RXRG: variants seen among roughly 807,000 people sequenced by gnomAD.
The protein encoded by RXRG is retinoic acid receptor RXR-gamma.
RXRG carries 19 observed loss-of-function variants against 49.2 expected under a neutral mutation model. That is an observed-to-expected ratio of 0.39 (90% CI 0.27 to 0.57). The LOEUF (loss-of-function observed/expected upper bound fraction) is 0.57, where lower values mean the gene tolerates loss of function less well. Among genes scored for constraint, RXRG ranks in the 20% least tolerant of loss-of-function variants. RXRG has a pLI of 0.64. For synonymous variants in RXRG, 224 were observed against 216.6 expected (o/e 1.03, Z -0.30); for missense variants, 452 against 592.5 (o/e 0.76, Z 2.46).
At chr1:165,420,534 T>C (rs1280275427) in intron 2 of RXRG, among the ~76,000 whole-genome samples, 1 of 152,090 alleles carries the variant, frequency 6.6e-6, no homozygotes, top group African/African-American at 2.4e-5. Flanking sequence ...GGCTCTGGGG[T>C]ACAAAGGCAA....
At chr1:165,434,374 T>C (rs1295743739) in intron 1 of RXRG, among the ~76,000 whole-genome samples, 1 of 151,568 alleles carries the variant, frequency 6.6e-6, no homozygotes, top group African/African-American at 2.4e-5. Context: ...ACAGAATTCT[T>C]ACCAAGGTAA....
chr1:165,416,725 G>C (rs79595131), intron 4 of RXRG, among the ~76,000 whole-genome samples: 1 of 152,120 alleles, frequency 6.6e-6, no homozygotes, highest in Middle Eastern at 3.2e-3. Context: ...AAAAGGAGAC[G>C]GTCCAGTTTG....
intron 2 of RXRG, 98 bp from the exon 3 acceptor site, chr1:165,420,112 A>G (rs1333587884): frequency 1.1e-5 from 11 of 983,956 alleles, no homozygotes; most frequent in Non-Finnish European, 5.6e-6. Flanking sequence ...AACAAGTTCT[A>G]TTTCAAGAAA....
At position 165,428,396 on chromosome 1, in the gene RXRG, A is replaced by C. The variant is rs544253660; in HGVS notation, c.297+323T>G. ...CACTTCAGTGACTCAATAAATGCTC[A>C]TGATTGAATTGAGAAGAATAAAAGG... is the stretch of plus-strand genomic sequence containing the variant. On this transcript the variant is annotated intron_variant, in intron 2 of 9. Coordinates refer to ENST00000359842, the MANE Select transcript of RXRG (RefSeq NM_006917.5). Among the ~76,000 whole-genome samples, 5 of 152,336 alleles carry C rather than the reference A, an allele frequency of 3.3e-5. No homozygotes were observed. The Middle Eastern group carries it at 0.01, about 311-fold the overall frequency.
At chr1:165,443,745 G>T (rs947163574) in intron 1 of RXRG, among the ~76,000 whole-genome samples, 5 of 152,290 alleles carry the variant, frequency 3.3e-5, no homozygotes, top group African/African-American at 1.2e-4. Flanking sequence ...CTTCTACCTT[G>T]CAGTGTGTCA....
At chr1:165,430,497 C>T (rs931425192) in intron 1 of RXRG, among the ~76,000 whole-genome samples, 4 of 152,308 alleles carry the variant, frequency 2.6e-5, no homozygotes, top group South Asian at 2.1e-4. Flanking sequence ...TCTCTTGGAG[C>T]TTCTGCTAGC....
chr1:165,433,167 A>G (rs1658723080), intron 1 of RXRG, among the ~76,000 whole-genome samples: 1 of 152,068 alleles, frequency 6.6e-6, no homozygotes, highest in African/African-American at 2.4e-5. Context: ...CATCCCTTCC[A>G]TCATGTGAGG....
intron 1 of RXRG, among the ~76,000 whole-genome samples, chr1:165,438,970 G>C (rs1447636753): frequency 6.6e-6 from 1 of 152,092 alleles, no homozygotes; most frequent in Non-Finnish European, 1.5e-5. Flanking sequence ...CATATTAACG[G>C]GGTGTTAATT....
At chr1:165,442,581 A>G (rs1659042036) in intron 1 of RXRG, among the ~76,000 whole-genome samples, 1 of 152,224 alleles carries the variant, frequency 6.6e-6, no homozygotes, top group Non-Finnish European at 1.5e-5. Flanking sequence ...CCAGCAAAAT[A>G]TGAGGGTCTT....
chr1:165,433,146 G>T (rs1444959806), intron 1 of RXRG, among the ~76,000 whole-genome samples: 1 of 152,082 alleles, frequency 6.6e-6, no homozygotes, highest in African/African-American at 2.4e-5. Context: ...TGCACAATTT[G>T]TCCATTTTTC....
At chr1:165,435,992 C>A (rs1390970226) in intron 1 of RXRG, among the ~76,000 whole-genome samples, 2 of 152,174 alleles carry the variant, frequency 1.3e-5, no homozygotes, top group African/African-American at 2.4e-5. Flanking sequence ...AGCTTGCAGA[C>A]CTCTAGGGGA....
At chr1:165,418,021 G>T (rs1477542361) in intron 3 of RXRG, among the ~76,000 whole-genome samples, 1 of 144,766 alleles carries the variant, frequency 6.9e-6, no homozygotes, top group Admixed American at 7.2e-5. Flanking sequence ...TGAGGTATGG[G>T]AATCACTTGA....
chr1:165,417,816 T>G (rs897568080), intron 3 of RXRG, among the ~76,000 whole-genome samples: 19 of 152,126 alleles, frequency 1.2e-4, no homozygotes, highest in Admixed American at 1.2e-3. Flanking sequence ...AGAAGCTGAT[T>G]TTGCAGCCGG....
At position 165,428,848 on chromosome 1, in the gene RXRG, C is replaced by G; in HGVS notation, c.168G>C (p.Leu56=). The G allele has an allele frequency of 6.2e-7, 1 of 1,614,136 alleles. No individual in the cohort carries two copies. The highest frequency in any genetic ancestry group is 8.5e-7 in the Non-Finnish European group (1 of 1,180,020). The change falls in exon 2 of 10, where the codon CTG becomes CTC. Residue 56 remains leucine, a synonymous_variant. Coordinates refer to ENST00000359842, the MANE Select transcript of RXRG (RefSeq NM_006917.5). The part of the protein sequence containing the change: ...TDTPVSAPRT[L]SAVGTPLNAL... ...CATTGAGGGGGGTCCCCACTGCACT[C>G]AGAGTCCGTGGGGCACTCACTGGGG...
rs1396311480 is a variant in RXRG at position 165,445,113 on chromosome 1, C to A, written c.-220G>T. On this transcript the variant is annotated 5_prime_UTR_variant, in exon 1 of 10. Transcript: ENST00000359842. ...CATAGTGCGTTTGAGACGGCTGTGG[C>A]GGCAGCAGCTGGTGCCTGTCAGTAA... 5.3e-6 allele frequency: 3 copies of A among 569,018 alleles called. No individual in the cohort carries two copies. Among genetic ancestry groups the A allele is most frequent in the African/African-American group, 3.8e-5 (2 of 53,260 alleles). 35.2% of individuals were successfully genotyped at this position (569,018 alleles called of 1,614,324 possible).
chr1:165,419,874 G>A lies in RXRG; in HGVS notation c.438C>T (p.Ser146=). ...AGTGTCTGCTTCTGCATGTACCTGA[G>A]GATCTGTCTCCACAGATGGCACAGA... ...KHICAICGDR[S]SGKHYGVYSC... The change falls in exon 3 of 10, where the codon TCC becomes TCT. Residue 146 remains serine (S), a synonymous_variant. Coordinates refer to ENST00000359842, the MANE Select transcript of RXRG (RefSeq NM_006917.5). 1 of 1,606,436 alleles carries A rather than the reference G, an allele frequency of 6.2e-7. No individual in the cohort carries two copies. Among genetic ancestry groups the A allele is most frequent in the East Asian group, 2.2e-5 (1 of 44,612 alleles).
chr1:165,426,370 C>T (rs180818136), intron 2 of RXRG, among the ~76,000 whole-genome samples: 101 of 152,318 alleles, frequency 6.6e-4, no homozygotes, highest in Non-Finnish European at 3.4e-4. Flanking sequence ...TCTCCACAGT[C>T]CACACCTGCC....
In RXRG at chr1:165,409,585, C is replaced by G; in HGVS notation, c.1019G>C (p.Ser340Thr). The change falls in exon 7 of 10, where the codon AGT (serine) becomes ACT (threonine). Residue 340 changes from serine to threonine, a missense_variant. This residue lies in a region of RXRG where 286 missense variants were observed against 440.9 expected (regional missense o/e 0.65). Transcript: ENST00000359842. ...GLHVHRSSAH[S>T]AGVGSIFDRV... ...GTCAAAGATGGAGCCGACCCCAGCACTGTGGGCACTGCTCCGGTGGACATG... is the reference window on the plus strand; with the variant it reads ...GTCAAAGATGGAGCCGACCCCAGCAGTGTGGGCACTGCTCCGGTGGACATG... 6.4e-7 allele frequency: 1 copy of G among 1,552,878 alleles called. No individual in the cohort carries two copies. The highest frequency in any genetic ancestry group is 8.7e-7 in the Non-Finnish European group (1 of 1,151,370).
At position 165,444,959 on chromosome 1, in the gene RXRG, C is replaced by T; in HGVS notation, c.-66G>A. The T allele has an allele frequency of 1.3e-6, 2 of 1,482,874 alleles. No individual in the cohort carries two copies. The highest frequency in any genetic ancestry group is 2.3e-5 in the East Asian group (1 of 44,222). 91.9% of individuals were successfully genotyped at this position (1,482,874 alleles called of 1,614,324 possible). On this transcript the variant is annotated 5_prime_UTR_variant, in exon 1 of 10. Coordinates refer to ENST00000359842, the MANE Select transcript of RXRG (RefSeq NM_006917.5). ...AAATATTACCGCCTCTCTCGGCTCC[C>T]AGGCACAGCCCGGCTTTCTTCAACT...
Sources: gnomAD v4.1 joint callset for allele counts (sites outside exome capture counted in the v4.1 genomes callset) on GRCh38, gnomAD v4.1.1 for gene constraint, gnomAD v4.1.1 regional missense constraint, MANE v1.5 for transcripts, NCBI Gene and HGNC (gene_info 2026-07-23, HGNC 2026-07-21) for gene names.